The following SELENOI variants were observed in gnomAD, a reference collection of about 807,000 sequenced individuals.
SELENOI encodes ethanolaminephosphotransferase 1.
SELENOI carries 24 observed loss-of-function variants against 50.7 expected under a neutral mutation model. That is an observed-to-expected ratio of 0.47 (90% CI 0.34 to 0.67). The LOEUF is 0.67. Among genes scored for constraint, SELENOI ranks in the 30% least tolerant of loss-of-function variants. The pLI is 0.01. For synonymous variants in SELENOI, 155 were observed against 170.2 expected (o/e 0.91, Z 0.70); for missense variants, 352 against 461.4 (o/e 0.76, Z 2.17).
intron 3 of SELENOI, among the ~76,000 whole-genome samples, chr2:26,366,147 T>C (rs551262954): frequency 1.3e-5 from 2 of 152,292 alleles, no homozygotes; most frequent in East Asian, 1.9e-4. Flanking sequence ...AGTATACATA[T>C]GCTGAACTTT....
intron 1 of SELENOI, among the ~76,000 whole-genome samples, chr2:26,353,651 T>C (rs1253989071): frequency 1.3e-5 from 2 of 152,204 alleles, no homozygotes; most frequent in Admixed American, 1.3e-4. Context: ...TTTATATATG[T>C]CTGGCAGAAA....
rs545743580 is a variant in SELENOI at position 26,378,630 on chromosome 2, G to A, written c.682+3482G>A. Among the ~76,000 whole-genome samples the A allele has an allele frequency of 6.6e-5, 10 of 152,342 alleles. 1 individual carries two copies. In the South Asian group the frequency reaches 2.1e-3, roughly 32 times the overall value. ...CTGGTCTGGGACAGGGGGTAGGCAA[G>A]CCACGAACTCAGAGTTGTTCCCCAG... On this transcript the variant is annotated intron_variant, in intron 6 of 9. Transcript: ENST00000260585.
chr2:26,355,537 GCTTA>G (rs756129138), intron 1 of SELENOI, among the ~76,000 whole-genome samples: 21 of 152,128 alleles, frequency 1.4e-4, no homozygotes, highest in Non-Finnish European at 1.5e-4. Context: ...TCTTGTTAGA[GCTTA>G]CTTAAAGTCT....
At chr2:26,388,433 C>T (rs1447621367) in intron 9 of SELENOI, among the ~76,000 whole-genome samples, 1 of 152,196 alleles carries the variant, frequency 6.6e-6, no homozygotes, top group African/African-American at 2.4e-5. Context: ...TCTTTTACCA[C>T]ATCTACAACT....
At chr2:26,351,045 C>G (rs931506992) in intron 1 of SELENOI, among the ~76,000 whole-genome samples, 1 of 145,826 alleles carries the variant, frequency 6.9e-6, no homozygotes, top group South Asian at 2.1e-4. Flanking sequence ...TGGTTGTTCA[C>G]TGTTTGTTTG....
Position 26,390,461 on chromosome 2 carries a change from A to G in SELENOI, c.*1358A>G, listed in dbSNP as rs7588538. Reference sequence around the variant, plus strand: ...ATAGGCACCACTGTGTTGATATGTAATTAAATTCATAACTATTTATGAATG... The same window carrying G: ...ATAGGCACCACTGTGTTGATATGTAGTTAAATTCATAACTATTTATGAATG... On this transcript the variant is annotated 3_prime_UTR_variant, in exon 10 of 10. Coordinates refer to ENST00000260585, the MANE Select transcript of SELENOI (RefSeq NM_033505.4). 0.28 allele frequency: 42,522 copies of G among 152,142 alleles called. 6,931 individuals are homozygous for G. The highest frequency in any genetic ancestry group is 0.36 in the Non-Finnish European group (24,133 of 67,946). 9.4% of individuals were successfully genotyped at this position (152,142 alleles called of 1,614,324 possible). A position where few individuals can be genotyped will look rare whatever the true frequency, so the allele number is the denominator to read the frequency against.
intron 1 of SELENOI, among the ~76,000 whole-genome samples, chr2:26,353,308 G>T (rs977491224): frequency 6.6e-6 from 1 of 152,150 alleles, no homozygotes; most frequent in South Asian, 2.1e-4. Flanking sequence ...TTAAAACAAA[G>T]AAAACTTGTA....
chr2:26,375,459 A>T (rs1324741684), intron 6 of SELENOI, among the ~76,000 whole-genome samples: 1 of 152,236 alleles, frequency 6.6e-6, no homozygotes, highest in African/African-American at 2.4e-5. Context: ...TACAGGTTTT[A>T]TATTTATCTC....
chr2:26,348,705 T>C (rs1022535714), intron 1 of SELENOI, among the ~76,000 whole-genome samples: 2 of 145,170 alleles, frequency 1.4e-5, no homozygotes, highest in African/African-American at 5.0e-5. Context: ...TTTTTTTTTT[T>C]CTTTAATAAC....
intron 9 of SELENOI, 142 bp downstream of exon 9, chr2:26,386,678 C>T (rs935890110): frequency 1.3e-5 from 8 of 635,864 alleles, no homozygotes; most frequent in Non-Finnish European, 1.2e-5. Context: ...GGGATATTCT[C>T]TAAATTTTGG....
chr2:26,371,652 A>T (rs1356791649), intron 4 of SELENOI, among the ~76,000 whole-genome samples: 1 of 151,862 alleles, frequency 6.6e-6, no homozygotes, highest in African/African-American at 2.4e-5. Flanking sequence ...CGCGGTTAGG[A>T]GCTGGAGACC....
intron 6 of SELENOI, among the ~76,000 whole-genome samples, chr2:26,380,702 A>G (rs1022591371): frequency 3.3e-5 from 5 of 152,152 alleles, no homozygotes; most frequent in African/African-American, 1.2e-4. Flanking sequence ...AAATTACCAT[A>G]TTCCCCTACA....
intron 1 of SELENOI, among the ~76,000 whole-genome samples, chr2:26,354,016 C>A (rs1440999002): frequency 6.6e-6 from 1 of 152,076 alleles, no homozygotes; most frequent in Non-Finnish European, 1.5e-5. Flanking sequence ...GTGTAAGTGA[C>A]CAGGCCGAGC....
In SELENOI at chr2:26,373,390, C is replaced by G. The variant is rs1328087085; in HGVS notation, c.334C>G (p.Arg112Gly). ...TLDGVDGKQA[R>G]RTNSSTPLGE... The stretch of plus-strand genomic sequence containing the variant: ...AGATGGTGTGGACGGAAAGCAAGCT[C>G]GCAGAACCAATTCTAGCACTCCCTT... The change falls in exon 5 of 10, where the codon CGC becomes GGC. Residue 112 changes from arginine (R) to glycine (G), a missense_variant. By Grantham distance (125) the Arg-to-Gly change is moderately radical (BLOSUM62 -2). Transcript: ENST00000260585. 1.2e-6 allele frequency: 2 copies of G among 1,611,098 alleles called. No individual in the cohort carries two copies. The highest frequency in any genetic ancestry group is 1.7e-5 in the Admixed American group (1 of 59,578).
chr2:26,394,575 T>G lies in SELENOI; in HGVS notation c.*5472T>G, dbSNP rs764980391. On this transcript the variant is annotated 3_prime_UTR_variant, in exon 10 of 10. Coordinates refer to ENST00000260585, the MANE Select transcript of SELENOI (RefSeq NM_033505.4). This position sits in a 1 kb window ranked among gnomAD's most constrained non-coding sequence, Gnocchi z 4.1. ...TTCAGGAGATAAAGACCTAGCTACATGTAATGATATGATCATTTCAAAAAT... is the reference window on the plus strand; with the variant it reads ...TTCAGGAGATAAAGACCTAGCTACAGGTAATGATATGATCATTTCAAAAAT... 1 of 152,112 alleles carries G rather than the reference T, an allele frequency of 6.6e-6. No individual in the cohort carries two copies. The highest frequency in any genetic ancestry group is 2.1e-4 in the South Asian group (1 of 4,832). 9.4% of individuals were successfully genotyped at this position (152,112 alleles called of 1,614,324 possible). A position where few individuals can be genotyped will look rare whatever the true frequency, so the allele number is the denominator to read the frequency against.
At chr2:26,374,564 G>GTTTTTTTTTTTTTTTTTTTTT (rs747792225) in intron 5 of SELENOI, among the ~76,000 whole-genome samples, 1 of 131,540 alleles carries the variant, frequency 7.6e-6, no homozygotes, top group Admixed American at 8.8e-5. Context: ...CTAAAAGATT[G>GTTTTTTTTTTTTTTTTTTTTT]TATTTTTTTT....
chr2:26,395,202 A>T lies in SELENOI; in HGVS notation c.*6099A>T, dbSNP rs1678063594. 1 of 152,234 alleles carries T rather than the reference A, an allele frequency of 6.6e-6. No individual in the cohort carries two copies. Among genetic ancestry groups the T allele is most frequent in the Non-Finnish European group, 1.5e-5 (1 of 68,046 alleles). 9.4% of individuals were successfully genotyped at this position (152,234 alleles called of 1,614,324 possible). On this transcript the variant is annotated 3_prime_UTR_variant, in exon 10 of 10. Coordinates refer to ENST00000260585, the MANE Select transcript of SELENOI (RefSeq NM_033505.4). ...GTATGTATGATATATTCATATATAC[A>T]TGCAGTCTGCTTGATTATCAGCAAA...
chr2:26,371,052 C>T lies in SELENOI; in HGVS notation c.311-2315C>T, dbSNP rs1440352809. ...GCTCCTCACTTCCCAGTAGGGGCGG[C>T]CGGGCAGAGGCGCCCCTCACCTCCC... On this transcript the variant is annotated intron_variant, in intron 4 of 9. Coordinates refer to ENST00000260585, the MANE Select transcript of SELENOI (RefSeq NM_033505.4). Among the ~76,000 whole-genome samples, 3 of 146,150 alleles carry T rather than the reference C, an allele frequency of 2.1e-5. No homozygotes were observed. In the East Asian group the frequency reaches 6.3e-4, roughly 31 times the overall value.
rs1338325516 is a variant in SELENOI, at chr2:26,389,544, T to TA, written c.*446dup. 1 of 154,008 alleles carries TA rather than the reference T, an allele frequency of 6.5e-6. No individual in the cohort carries two copies. Among genetic ancestry groups the TA allele is most frequent in the African/African-American group, 2.4e-5 (1 of 41,444 alleles). 9.5% of individuals were successfully genotyped at this position (154,008 alleles called of 1,614,324 possible). The stretch of plus-strand genomic sequence containing the variant: ...GTCCAAACCTAGTATAGGGAAAGGA[T>TA]AAAAATAAGTCACCTTCACCAAGAG... On this transcript the variant is annotated 3_prime_UTR_variant, in exon 10 of 10. Transcript: ENST00000260585.
Sources: allele counts gnomAD v4.1 joint callset (sites outside exome capture counted in the v4.1 genomes callset), GRCh38; gene constraint gnomAD v4.1.1; non-coding constraint Gnocchi (gnomAD v3.1); transcripts MANE v1.5; gene names NCBI Gene and HGNC (gene_info 2026-07-23, HGNC 2026-07-21).